ZNF536: variants seen among roughly 807,000 people sequenced by gnomAD.
ZNF536 encodes zinc finger protein 536.
Under a neutral mutation model 84.5 loss-of-function variants are expected in ZNF536, and 13 were observed. The observed-to-expected ratio is 0.15, with a 90% CI of 0.10 to 0.24. ZNF536 has a LOEUF of 0.24. Among genes scored for constraint, ZNF536 ranks in the 10% least tolerant of loss-of-function variants. ZNF536 has a pLI of 1.00. For missense variants in ZNF536, 1,536 were observed against 1,747.5 expected, an observed-to-expected ratio of 0.88 and a Z score of 2.16; for synonymous variants, 811 against 742.5, an observed-to-expected ratio of 1.09 and a Z score of -1.50.
chr19:30,500,951 G>C (rs1054481510), intron 2 of ZNF536, among the ~76,000 whole-genome samples: 4 of 152,184 alleles, frequency 2.6e-5, no homozygotes, highest in African/African-American at 9.7e-5. Context: ...TCAGCTCAGA[G>C]CTTTGTTGAG....
At chr19:30,571,876 A>T (rs2046559709) in intron 1 of ZNF536, among the ~76,000 whole-genome samples, 1 of 152,224 alleles carries the variant, frequency 6.6e-6, no homozygotes, top group African/African-American at 2.4e-5. Context: ...TAGAGGTCAC[A>T]TTTGATAGGG....
At chr19:30,420,664 C>T (rs868678094) in intron 1 of ZNF536, among the ~76,000 whole-genome samples, 7 of 150,668 alleles carry the variant, frequency 4.6e-5, no homozygotes, top group Admixed American at 1.3e-4. Context: ...CCTAAATTCT[C>T]TTTTTTTTTG....
At chr19:30,622,743 G>A (rs2048528277) in intron 1 of ZNF536, among the ~76,000 whole-genome samples, 1 of 152,142 alleles carries the variant, frequency 6.6e-6, no homozygotes, top group Non-Finnish European at 1.5e-5. Context: ...AGGGAGACGG[G>A]GAGGTCAGAT....
chr19:30,371,298 G>A (rs1320745062), upstream of ZNF536, among the ~76,000 whole-genome samples: 1 of 152,198 alleles, frequency 6.6e-6, no homozygotes, highest in Non-Finnish European at 1.5e-5. Flanking sequence ...AACAAAGGCA[G>A]CTGGGCTTCA....
intron 2 of ZNF536, among the ~76,000 whole-genome samples, chr19:30,489,736 A>G (rs948576348): frequency 1.3e-5 from 2 of 152,268 alleles, no homozygotes; most frequent in Non-Finnish European, 2.9e-5. Context: ...AAAGAAGTCT[A>G]TAAAAGTGAT....
chr19:30,464,681 C>T (rs1192635933), intron 2 of ZNF536, among the ~76,000 whole-genome samples: 4 of 151,816 alleles, frequency 2.6e-5, no homozygotes, highest in African/African-American at 4.8e-5. Context: ...CTGTCATCTC[C>T]AGGAAGTAGG....
At chr19:30,586,143 T>C (rs935459541) in intron 1 of ZNF536, among the ~76,000 whole-genome samples, 4 of 152,188 alleles carry the variant, frequency 2.6e-5, no homozygotes, top group Non-Finnish European at 5.9e-5. Flanking sequence ...AAGACTGAGT[T>C]TTATCATCCG....
At chr19:30,599,216 TCCTCCCTCCC>T (rs2047586486) in intron 1 of ZNF536, among the ~76,000 whole-genome samples, 1 of 85,888 alleles carries the variant, frequency 1.2e-5, no homozygotes, top group Admixed American at 1.2e-4. Flanking sequence ...CCTCCCTTCT[TCCTCCCTCCC>T]CCTCCCTCCA....
chr19:30,279,912 C>T (rs980477194), intron 1 of ZNF536, among the ~76,000 whole-genome samples: 2 of 152,162 alleles, frequency 1.3e-5, no homozygotes, highest in African/African-American at 4.8e-5. Context: ...AAGTAGTTTC[C>T]CTGGCTCCCA....
intron 1 of ZNF536, among the ~76,000 whole-genome samples, chr19:30,709,613 G>T (rs1353435424): frequency 3.3e-5 from 5 of 152,038 alleles, no homozygotes; most frequent in African/African-American, 7.2e-5. Context: ...CTATTGCCTG[G>T]TTTTTTGTTT....
chr19:30,379,734 G>A (rs2048951430), intron 1 of ZNF536, among the ~76,000 whole-genome samples: 1 of 151,932 alleles, frequency 6.6e-6, no homozygotes, highest in South Asian at 2.1e-4. Context: ...GATGCCATAG[G>A]TGGGAGTACT....
At chr19:30,325,284 AC>A (rs2046987457) in intron 2 of ZNF536, among the ~76,000 whole-genome samples, 1 of 151,862 alleles carries the variant, frequency 6.6e-6, no homozygotes, top group African/African-American at 2.4e-5. Flanking sequence ...TCTCACCCCC[AC>A]CCTTGGGGCC....
chr19:30,544,669 G>A (rs748264498), intron 3 of ZNF536, among the ~76,000 whole-genome samples: 6 of 152,172 alleles, frequency 3.9e-5, no homozygotes, highest in African/African-American at 7.2e-5. Context: ...GGAGGTTTCA[G>A]GTGTTTATTC....
intron 1 of ZNF536, among the ~76,000 whole-genome samples, chr19:30,709,320 C>G (rs1317563311): frequency 6.6e-6 from 1 of 152,184 alleles, no homozygotes; most frequent in Non-Finnish European, 1.5e-5. Context: ...GTCCCGACAA[C>G]TTTCGCTGCT....
At chr19:30,573,414 G>T (rs2046620707) in intron 1 of ZNF536, among the ~76,000 whole-genome samples, 1 of 152,220 alleles carries the variant, frequency 6.6e-6, no homozygotes, top group South Asian at 2.1e-4. Flanking sequence ...GGACTCTGAT[G>T]TGTCTTTTGA....
intron 3 of ZNF536, among the ~76,000 whole-genome samples, chr19:30,353,797 G>A (rs989720777): frequency 3.3e-5 from 5 of 152,224 alleles, no homozygotes; most frequent in East Asian, 3.8e-4. Flanking sequence ...ACAGATGGAG[G>A]AGTTAGGAGC....
chr19:30,506,406 A>G (rs537194015), intron 2 of ZNF536, among the ~76,000 whole-genome samples: 1 of 152,356 alleles, frequency 6.6e-6, no homozygotes, highest in Non-Finnish European at 1.5e-5. Context: ...GCCACAGGCA[A>G]GAAGTCCTTC....
At chr19:30,656,576 C>G (rs1184994432) in intron 1 of ZNF536, among the ~76,000 whole-genome samples, 1 of 152,206 alleles carries the variant, frequency 6.6e-6, no homozygotes, top group African/African-American at 2.4e-5. Context: ...AGTTCCTCTG[C>G]AGCACACTCT....
rs111707808 is a variant in ZNF536, at chr19:30,548,349, C to T, written c.2730C>T (p.Asn910=). The change falls in exon 4 of 5, where the codon AAC becomes AAT. Residue 910 remains asparagine (N), a synonymous_variant. Transcript: ENST00000355537. The part of the protein sequence containing the change: ...IGRAYQSIVS[N]GVNFQGSLQA... ...GAGCTTATCAAAGCATTGTGAGCAA[C>T]GGTGTGAATTTCCAAGGGTCCTTGC... 57,820 of 1,614,046 alleles carry T rather than the reference C, an allele frequency of 0.036. 1,507 individuals carry two copies. Among genetic ancestry groups the T allele is most frequent in the South Asian group, 0.11 (10,088 of 91,072 alleles).
Sources: gnomAD v4.1 joint callset for allele counts (sites outside exome capture counted in the v4.1 genomes callset) on GRCh38, gnomAD v4.1.1 for gene constraint, MANE v1.5 for transcripts, NCBI Gene and HGNC (gene_info 2026-07-23, HGNC 2026-07-21) for gene names.